Variants in FSHR observed in about 807,000 individuals in gnomAD.
FSHR encodes follicle stimulating hormone receptor.
FSHR carries 46 observed loss-of-function variants against 52.1 expected under a neutral mutation model. The ratio of observed to expected loss-of-function variants is 0.88; its 90% CI spans 0.70 to 1.13. The LOEUF (loss-of-function observed/expected upper bound fraction) is 1.13. Among genes scored for constraint, FSHR ranks in the 50% most tolerant of loss-of-function variants. FSHR has a pLI of 0.00. For synonymous variants in FSHR, 399 were observed against 309.6 expected (o/e 1.29, Z -3.03); for missense variants, 964 against 834.6 (o/e 1.16, Z -1.91).
At chr2:49,107,682 ATTC>A (rs1290938388) in intron 1 of FSHR, among the ~76,000 whole-genome samples, 1 of 152,156 alleles carries the variant, frequency 6.6e-6, no homozygotes, top group African/African-American at 2.4e-5. Flanking sequence ...TAGGCTTTAT[ATTC>A]TTATGTTGTA....
intron 9 of FSHR, among the ~76,000 whole-genome samples, chr2:48,967,995 T>A (rs1443171850): frequency 6.6e-6 from 1 of 152,210 alleles, no homozygotes; most frequent in African/African-American, 2.4e-5. Flanking sequence ...CTCCAATGGA[T>A]CATTTAAATG....
Position 49,136,755 on chromosome 2 carries a change from A to G in FSHR, c.152+17511T>C, listed in dbSNP as rs149951362. 4.6e-5 allele frequency among the ~76,000 whole-genome samples: 7 copies of G among 152,304 alleles called. No individual in the cohort carries two copies. The East Asian group carries it at 1.3e-3, about 29-fold the overall frequency. On this transcript the variant is annotated intron_variant, in intron 1 of 9. Transcript: ENST00000406846. ...GTAATATATTACATCAATATAAATA[A>G]AAACAAAAATCACATAATTGTCTCA...
At chr2:49,003,739 C>T (rs1401802969) in intron 4 of FSHR, among the ~76,000 whole-genome samples, 2 of 152,094 alleles carry the variant, frequency 1.3e-5, no homozygotes, top group Non-Finnish European at 2.9e-5. Context: ...TCCTCCCTCC[C>T]TGCACTGGGG....
rs1034378766 is a variant in FSHR, at chr2:48,962,251, TTGAATGAATGAA to T, written c.*470_*481del. On this transcript the variant is annotated 3_prime_UTR_variant, in exon 10 of 10. Coordinates refer to ENST00000406846, the MANE Select transcript of FSHR (RefSeq NM_000145.4). ...CAGATGGGTGTTCAATTAATATTTG[TTGAATGAATGAA>T]TGAATGAATACCATGGTGCTTCTCT... The T allele has an allele frequency of 5.0e-6, 1 of 200,594 alleles. No individual in the cohort carries two copies. Among genetic ancestry groups the T allele is most frequent in the Admixed American group, 5.3e-5 (1 of 18,764 alleles). 12.4% of individuals were successfully genotyped at this position (200,594 alleles called of 1,614,324 possible). A position where few individuals can be genotyped will look rare whatever the true frequency, so the allele number is the denominator to read the frequency against.
chr2:49,003,950 A>G (rs1183556801), intron 4 of FSHR, among the ~76,000 whole-genome samples: 2 of 152,158 alleles, frequency 1.3e-5, no homozygotes, highest in African/African-American at 4.8e-5. Context: ...TTGCAAATCT[A>G]AAAGGGTCTC....
intron 2 of FSHR, among the ~76,000 whole-genome samples, chr2:49,058,307 G>C (rs2104318532): frequency 6.6e-6 from 1 of 152,284 alleles, no homozygotes; most frequent in African/African-American, 2.4e-5. Context: ...CCAGCACATT[G>C]GGAGGCTGAG....
At chr2:49,041,081 C>A (rs1668463349) in intron 2 of FSHR, among the ~76,000 whole-genome samples, 1 of 152,180 alleles carries the variant, frequency 6.6e-6, no homozygotes, top group Non-Finnish European at 1.5e-5. Context: ...CCTGACAATG[C>A]AAGACGGCTA....
chr2:49,037,119 A>G (rs1162074798), intron 2 of FSHR, among the ~76,000 whole-genome samples: 3 of 152,180 alleles, frequency 2.0e-5, no homozygotes, highest in Non-Finnish European at 4.4e-5. Context: ...TTCCCATTAG[A>G]GAAACTGGGG....
At chr2:49,142,877 G>A (rs1232903191) in intron 1 of FSHR, among the ~76,000 whole-genome samples, 2 of 152,126 alleles carry the variant, frequency 1.3e-5, no homozygotes, top group African/African-American at 4.8e-5. Flanking sequence ...GGTGACATGT[G>A]CGTTTATACA....
At chr2:49,023,902 A>G (rs1045533331) in intron 2 of FSHR, among the ~76,000 whole-genome samples, 2 of 152,146 alleles carry the variant, frequency 1.3e-5, no homozygotes, top group African/African-American at 4.8e-5. Flanking sequence ...CCATTATGAA[A>G]TTCCTTTCCT....
Position 49,021,890 on chromosome 2 carries a change from G to C in FSHR, c.225-1730C>G, listed in dbSNP as rs1045488571. Among the ~76,000 whole-genome samples, 121 of 37,642 alleles carry C rather than the reference G, an allele frequency of 3.2e-3. 2 individuals are homozygous for C. Among genetic ancestry groups the C allele is most frequent in the African/African-American group, 0.012 (118 of 9,796 alleles). The allele number at this position is 37,642 out of a possible 152,430, so 24.7% of individuals were successfully genotyped here. ...ATATATATATATATATATATATAGA[G>C]AGAGAGAGAGAGAGAGAGAGAGAGA... is the stretch of plus-strand genomic sequence containing the variant. On this transcript the variant is annotated intron_variant, in intron 2 of 9. Coordinates refer to ENST00000406846, the MANE Select transcript of FSHR (RefSeq NM_000145.4).
At position 48,986,863 on chromosome 2, in the gene FSHR, A is replaced by G. The variant is rs538688954; in HGVS notation, c.524+2114T>C. On this transcript the variant is annotated intron_variant, in intron 6 of 9. Transcript: ENST00000406846. ...CGGTCTGGACAAAAAAGTCAGATCA[A>G]TGATACTGTGAGAACAATATAAGCA... Among the ~76,000 whole-genome samples the G allele has an allele frequency of 3.9e-5, 6 of 152,332 alleles. No individual in the cohort carries two copies. The South Asian group carries it at 6.2e-4, about 16-fold the overall frequency.
intron 4 of FSHR, among the ~76,000 whole-genome samples, chr2:49,000,113 C>T (rs1253707816): frequency 6.6e-6 from 1 of 152,012 alleles, no homozygotes; most frequent in African/African-American, 2.4e-5. Flanking sequence ...CAGACTATGT[C>T]CAGTGAATTT....
chr2:48,987,505 C>T (rs1460022597), intron 6 of FSHR, among the ~76,000 whole-genome samples: 1 of 152,058 alleles, frequency 6.6e-6, no homozygotes, highest in Non-Finnish European at 1.5e-5. Context: ...CCACCACGCC[C>T]ACCTGATTAT....
intron 4 of FSHR, chr2:49,014,883 C>T (rs1667424296): frequency 2.1e-6 from 1 of 469,360 alleles, no homozygotes; most frequent in Non-Finnish European, 4.4e-6. Flanking sequence ...TTTGTTCTGT[C>T]ACTGAAGGCT....
intron 2 of FSHR, among the ~76,000 whole-genome samples, chr2:49,021,570 G>A (rs1314565850): frequency 4.6e-5 from 7 of 151,556 alleles, no homozygotes; most frequent in Non-Finnish European, 8.8e-5. Flanking sequence ...AAGGCCCCTG[G>A]GGGAGGGGAA....
intron 4 of FSHR, among the ~76,000 whole-genome samples, chr2:48,991,092 G>A (rs1409963400): frequency 3.9e-5 from 6 of 152,020 alleles, no homozygotes; most frequent in Admixed American, 3.9e-4. Context: ...CCTAAGCTGG[G>A]CCAATCAGAC....
At chr2:49,021,750 TAAC>T (rs199803706) in intron 2 of FSHR, among the ~76,000 whole-genome samples, 1,524 of 150,826 alleles carry the variant, frequency 0.01, 29 homozygotes, top group African/African-American at 0.036. Flanking sequence ...TATTCCATAA[TAAC>T]ATCTTTCATG....
chr2:49,103,650 C>T (rs985545399), intron 1 of FSHR, among the ~76,000 whole-genome samples: 1 of 152,072 alleles, frequency 6.6e-6, no homozygotes, highest in African/African-American at 2.4e-5. Context: ...GAGGACCTAT[C>T]CCTATCTTTT....
Sources: allele counts gnomAD v4.1 joint callset (sites outside exome capture counted in the v4.1 genomes callset), GRCh38; gene constraint gnomAD v4.1.1; transcripts MANE v1.5; gene names NCBI Gene and HGNC (gene_info 2026-07-23, HGNC 2026-07-21).